The following ABCC11 variants were observed in gnomAD, a reference collection of about 807,000 sequenced individuals.
ABCC11 encodes the protein ATP-binding cassette sub-family C member 11.
In ABCC11, 135 loss-of-function variants were observed where a neutral mutation model predicts 149.3. That is an observed-to-expected ratio of 0.90 (90% CI 0.79 to 1.04). The LOEUF is 1.04. Ranked by LOEUF, ABCC11 falls within the 50% of genes least tolerant of loss-of-function variation. ABCC11 has a pLI of 0.00. For synonymous variants in ABCC11, 665 were observed against 671.4 expected (o/e 0.99, Z 0.15); for missense variants, 1,680 against 1,722.1 (o/e 0.98, Z 0.43).
intron 17 of ABCC11, among the ~76,000 whole-genome samples, chr16:48,197,257 G>A (rs1302517129): frequency 6.6e-6 from 1 of 152,048 alleles, no homozygotes; most frequent in African/African-American, 2.4e-5. Context: ...CTGGGAGGCA[G>A]AGGTTGAAGT....
intron 3 of ABCC11, among the ~76,000 whole-genome samples, chr16:48,228,985 A>C (rs1970258268): frequency 6.6e-6 from 1 of 152,094 alleles, no homozygotes; most frequent in South Asian, 2.1e-4. Flanking sequence ...TTGAGGAGAA[A>C]GATGGGAAGA....
chr16:48,244,572 A>C, intron 1 of ABCC11: 1 of 1,519,606 alleles, frequency 6.6e-7, no homozygotes, highest in Non-Finnish European at 8.8e-7. Context: ...CGTCATCCCC[A>C]ACACGCCTGA....
intron 13 of ABCC11, among the ~76,000 whole-genome samples, chr16:48,204,467 C>T (rs1167489860): frequency 1.3e-5 from 2 of 152,176 alleles, no homozygotes; most frequent in Non-Finnish European, 1.5e-5. Context: ...TATTCACGAT[C>T]GGTGACCAAT....
chr16:48,171,617 T>G (rs1965728872), intron 26 of ABCC11, among the ~76,000 whole-genome samples: 1 of 152,258 alleles, frequency 6.6e-6, no homozygotes, highest in African/African-American at 2.4e-5. Context: ...TTCAGCAGCA[T>G]TAAATACATT....
intron 6 of ABCC11, among the ~76,000 whole-genome samples, chr16:48,216,684 A>T (rs1249001563): frequency 6.6e-6 from 1 of 152,222 alleles, no homozygotes; most frequent in Non-Finnish European, 1.5e-5. Context: ...AACTAACAGA[A>T]ATTCTTGAGT....
chr16:48,226,071 A>AAATTATTATTATTATTATTAT, intron 4 of ABCC11, among the ~76,000 whole-genome samples: 1 of 125,448 alleles, frequency 8.0e-6, no homozygotes, highest in African/African-American at 3.5e-5. Context: ...GTTTCCAGGT[A>AAATTATTATTATTATTATTAT]CATTATTATT....
intron 15 of ABCC11, 126 bp from the exon 16 acceptor site, chr16:48,198,401 C>T (rs1967637104): frequency 9.2e-7 from 1 of 1,087,478 alleles, no homozygotes; most frequent in Non-Finnish European, 1.3e-6. Context: ...GATGAGCAAA[C>T]ATTCAAAAGT....
intron 6 of ABCC11, among the ~76,000 whole-genome samples, chr16:48,218,824 C>A (rs539573070): frequency 6.6e-6 from 1 of 152,182 alleles, no homozygotes; most frequent in East Asian, 1.9e-4. Flanking sequence ...TGTGAGTCCA[C>A]TAAGCCTCTT....
At chr16:48,201,889 G>A (rs1437182375) in intron 14 of ABCC11, among the ~76,000 whole-genome samples, 1 of 152,230 alleles carries the variant, frequency 6.6e-6, no homozygotes, top group Non-Finnish European at 1.5e-5. Context: ...GGAAGTGGGA[G>A]CTGGAGTGTA....
At chr16:48,227,059 A>C (rs904290782) in intron 4 of ABCC11, among the ~76,000 whole-genome samples, 13 of 152,200 alleles carry the variant, frequency 8.5e-5, no homozygotes, top group Admixed American at 2.0e-4. Flanking sequence ...TTAATCACAC[A>C]ACTAGTTAGC....
intron 19 of ABCC11, among the ~76,000 whole-genome samples, chr16:48,192,924 G>A (rs533281149): frequency 1.5e-4 from 23 of 152,256 alleles, no homozygotes; most frequent in South Asian, 1.2e-3. Context: ...AGTCTGCCCC[G>A]TGGACACTGC....
intron 20 of ABCC11, 48 bp from the exon 21 acceptor site, chr16:48,187,475 G>C: frequency 6.7e-7 from 1 of 1,488,584 alleles, no homozygotes; most frequent in South Asian, 1.2e-5. Context: ...TGCAGGCCCT[G>C]CTCAAGATTG....
chr16:48,231,842 A>G lies in ABCC11; in HGVS notation c.80T>C (p.Met27Thr), dbSNP rs1970439169. 2.5e-6 allele frequency: 4 copies of G among 1,614,208 alleles called. No homozygotes were observed. In the East Asian group the frequency reaches 8.9e-5, roughly 36 times the overall value. The change falls in exon 2 of 30, where the codon ATG becomes ACG. Residue 27 changes from methionine (M) to threonine (T), a missense_variant. Coordinates refer to ENST00000356608, the MANE Select transcript of ABCC11 (RefSeq NM_001370497.1). Reference sequence around the variant, plus strand: ...ACTTACATAAATAAGTCCTGAAACCATGTCATCGCCTATGTCGATGCCACG... The same window carrying G: ...ACTTACATAAATAAGTCCTGAAACCGTGTCATCGCCTATGTCGATGCCACG... Reference protein sequence around the residue: ...VNRGIDIGDDMVSGLIYKTYT... With the variant: ...VNRGIDIGDDTVSGLIYKTYT...
chr16:48,211,963 A>T (rs981703632), intron 10 of ABCC11, among the ~76,000 whole-genome samples: 2 of 152,170 alleles, frequency 1.3e-5, no homozygotes, highest in Admixed American at 6.5e-5. Flanking sequence ...GCTTCCTGAC[A>T]TTTTGGACTC....
intron 6 of ABCC11, among the ~76,000 whole-genome samples, 159 bp from the exon 7 acceptor site, chr16:48,216,446 G>A (rs1485022748): frequency 6.6e-6 from 1 of 152,114 alleles, no homozygotes; most frequent in Non-Finnish European, 1.5e-5. Flanking sequence ...CTTCTCTCTG[G>A]CTGTGTGACT....
chr16:48,198,217 C>G lies in ABCC11; in HGVS notation c.2141G>C (p.Gly714Ala), dbSNP rs1967619875. 6.2e-7 allele frequency: 1 copy of G among 1,614,168 alleles called. No individual in the cohort carries two copies. The highest frequency in any genetic ancestry group is 1.3e-5 in the African/African-American group (1 of 75,030). Reference sequence around the variant, plus strand: ...TTTCTGCATTAACTCACTGTGAGTTCCATTTTCACAGATTTTCCCATTTTC... The same window carrying G: ...TTTCTGCATTAACTCACTGTGAGTTGCATTTTCACAGATTTTCCCATTTTC... ...LLENGKICEN[G>A]THSELMQKKG... Residue 714 changes from glycine (G) to alanine (A), a missense_variant, in exon 16 of 30, where the codon GGA (glycine) becomes GCA (alanine). Physicochemically the swap from Gly to Ala is moderately conservative, Grantham distance 60 (BLOSUM62 0). Transcript: ENST00000356608.
chr16:48,166,515 T>G lies in ABCC11; in HGVS notation c.*759A>C, dbSNP rs1012593301. Among the ~76,000 whole-genome samples, 1 of 152,200 alleles carries G rather than the reference T, an allele frequency of 6.6e-6. No individual in the cohort carries two copies. Among genetic ancestry groups the G allele is most frequent in the East Asian group, 1.9e-4 (1 of 5,204 alleles). On this transcript the variant is annotated 3_prime_UTR_variant, in exon 30 of 30. Transcript: ENST00000356608. The stretch of plus-strand genomic sequence containing the variant: ...TGTTACAAGACCAACAAACTCTTTT[T>G]TTTTTCCAAAGTTAGTTTGAGGGAG...
intron 12 of ABCC11, among the ~76,000 whole-genome samples, chr16:48,206,960 G>A (rs969737975): frequency 1.4e-4 from 22 of 152,250 alleles, no homozygotes; most frequent in Non-Finnish European, 2.4e-4. Context: ...TTTTTTAATG[G>A]AGTCTTTCTT....
rs1969259579 is a variant in ABCC11 at position 48,215,375 on chromosome 16, G to A, written c.952-31C>T. The A allele has an allele frequency of 3.7e-6, 6 of 1,602,358 alleles. No homozygotes were observed. In the African/African-American group the frequency reaches 6.7e-5, roughly 18 times the overall value. On this transcript the variant is annotated intron_variant, in intron 7 of 29. Coordinates refer to ENST00000356608, the MANE Select transcript of ABCC11 (RefSeq NM_001370497.1). ...GTCAGGATACAGCAAGTTTGGAGTTGATCTGCAAGGGCTTCCTTTGACAAG... is the reference window on the plus strand; with the variant it reads ...GTCAGGATACAGCAAGTTTGGAGTTAATCTGCAAGGGCTTCCTTTGACAAG...
Sources: allele counts gnomAD v4.1 joint callset (sites outside exome capture counted in the v4.1 genomes callset), GRCh38; gene constraint gnomAD v4.1.1; transcripts MANE v1.5; gene names NCBI Gene and HGNC (gene_info 2026-07-23, HGNC 2026-07-21).